Variants in PPP3CC observed in about 807,000 individuals in gnomAD.
PPP3CC encodes the protein serine/threonine-protein phosphatase 2B catalytic subunit gamma isoform.
In PPP3CC, 35 loss-of-function variants were observed where a neutral mutation model predicts 60.3. That is an observed-to-expected ratio of 0.58 (90% CI 0.44 to 0.77). The LOEUF (loss-of-function observed/expected upper bound fraction) is 0.77, where lower values mean the gene tolerates loss of function less well. PPP3CC is among the 30% of genes least tolerant of loss of function. PPP3CC has a pLI of 0.00. For synonymous variants in PPP3CC, 206 were observed against 224.3 expected (o/e 0.92, Z 0.73); for missense variants, 570 against 628.9 (o/e 0.91, Z 1.00).
rs149489507 is a variant in PPP3CC at position 22,477,901 on chromosome 8, A to C, written c.372+2277A>C. Among the ~76,000 whole-genome samples the C allele has an allele frequency of 2.7e-4, 41 of 152,262 alleles. No homozygotes were observed. In the East Asian group the frequency reaches 7.9e-3, roughly 29 times the overall value. ...GTTTCGCTTTTGTTGCCCAGGCTAG[A>C]GTGCAATGGCACGATCTCGGCCCAC... is the stretch of plus-strand genomic sequence containing the variant. On this transcript the variant is annotated intron_variant, in intron 3 of 13. Transcript: ENST00000240139.
chr8:22,451,260 C>T (rs1201403329), intron 1 of PPP3CC, among the ~76,000 whole-genome samples: 1 of 151,040 alleles, frequency 6.6e-6, no homozygotes, highest in African/African-American at 2.4e-5. Context: ...CCCAGCCTCC[C>T]GAGTAGCTGG....
At chr8:22,522,589 A>G (rs1839437306) in intron 7 of PPP3CC, 21 bp downstream of exon 7, 1 of 1,598,046 alleles carries the variant, frequency 6.3e-7, no homozygotes, top group Non-Finnish European at 8.6e-7. Flanking sequence ...TTAAAATTGT[A>G]CCAAATATCG....
Position 22,441,433 on chromosome 8 carries a change from C to T in PPP3CC, c.24C>T (p.Leu8=), listed in dbSNP as rs1431884276. 1.9e-6 allele frequency: 3 copies of T among 1,546,166 alleles called. No individual in the cohort carries two copies. The highest frequency in any genetic ancestry group is 2.8e-5 in the African/African-American group (2 of 71,802). Residue 8 remains leucine (L), a synonymous_variant, in exon 1 of 14, where the codon CTC becomes CTT. Coordinates refer to ENST00000240139, the MANE Select transcript of PPP3CC (RefSeq NM_005605.5). MSGRRFH[L]STTDRVIKAV... is the part of the protein sequence containing the mutation. ...CCATGTCCGGGAGGCGCTTCCACCTCTCCACCACCGACCGCGTCATCAAAG... is the reference window on the plus strand; with the variant it reads ...CCATGTCCGGGAGGCGCTTCCACCTTTCCACCACCGACCGCGTCATCAAAG...
In PPP3CC at chr8:22,519,502, T is replaced by C. The variant is rs149423320; in HGVS notation, c.771-2989T>C. ...GGGGTATTTTGGTTCTTTTTATCTT[T>C]TGTGTATCTACTGTGCTTTTTTGTT... On this transcript the variant is annotated intron_variant, in intron 6 of 13. Transcript: ENST00000240139. Among the ~76,000 whole-genome samples the C allele has an allele frequency of 5.8e-3, 889 of 152,330 alleles. 12 individuals carry two copies. Among genetic ancestry groups the C allele is most frequent in the African/African-American group, 0.021 (857 of 41,572 alleles).
chr8:22,457,436 G>A (rs1437302622), intron 1 of PPP3CC, among the ~76,000 whole-genome samples: 1 of 151,822 alleles, frequency 6.6e-6, no homozygotes, highest in Non-Finnish European at 1.5e-5. Flanking sequence ...TGGAGTAGCT[G>A]GGACTACAGG....
intron 3 of PPP3CC, among the ~76,000 whole-genome samples, chr8:22,495,367 G>A (rs182724684): frequency 6.8e-4 from 103 of 152,160 alleles, no homozygotes; most frequent in African/African-American, 2.5e-3. Context: ...CGTCTCTCCT[G>A]TGTATGGTCA....
intron 1 of PPP3CC, among the ~76,000 whole-genome samples, chr8:22,452,093 A>G (rs567291054): frequency 6.6e-6 from 1 of 151,774 alleles, no homozygotes; most frequent in East Asian, 1.9e-4. Context: ...TAATGCGATC[A>G]ATGCTCACTG....
chr8:22,495,528 TG>T (rs1247151142), intron 3 of PPP3CC, among the ~76,000 whole-genome samples: 1 of 151,996 alleles, frequency 6.6e-6, no homozygotes, highest in Non-Finnish European at 1.5e-5. Context: ...TTGGCCAAAT[TG>T]TTTTTTTACT....
chr8:22,496,921 C>T (rs1039584192), intron 3 of PPP3CC, among the ~76,000 whole-genome samples: 2 of 152,062 alleles, frequency 1.3e-5, no homozygotes, highest in African/African-American at 2.4e-5. Context: ...GGATTTTGCA[C>T]ATTTCTTGTT....
At chr8:22,475,368 T>G in intron 2 of PPP3CC, 132 bp from the exon 3 acceptor site, 1 of 1,102,116 alleles carries the variant, frequency 9.1e-7, no homozygotes, top group Non-Finnish European at 1.3e-6. Context: ...GTAGATTGAC[T>G]ACAGTTTTAC....
chr8:22,522,716 G>A lies in PPP3CC; in HGVS notation c.910G>A (p.Ala304Thr), dbSNP rs1455214447. 12 of 1,601,420 alleles carry A rather than the reference G, an allele frequency of 7.5e-6. No individual in the cohort carries two copies. The highest frequency in any genetic ancestry group is 1.0e-5 in the Non-Finnish European group (12 of 1,168,812). Residue 304 changes from alanine to threonine, a missense_variant, in exon 8 of 14, where the codon GCC (alanine) becomes ACC (threonine). Physicochemically the swap from Ala to Thr is moderately conservative, Grantham distance 58. Transcript: ENST00000240139. ...GFPSLITIFS[A>T]PNYLDVYNNK... ...TCCATCACTTATTACAATTTTCTCT[G>A]CCCCCAATTACCTAGATGTCTATAA... is the stretch of plus-strand genomic sequence containing the variant.
chr8:22,485,476 G>C (rs139945769), intron 3 of PPP3CC, among the ~76,000 whole-genome samples: 1 of 152,226 alleles, frequency 6.6e-6, no homozygotes, highest in East Asian at 1.9e-4. Flanking sequence ...CCAAATCCCA[G>C]ATAAAACAGA....
At chr8:22,447,433 C>G (rs572370098) in intron 1 of PPP3CC, among the ~76,000 whole-genome samples, 15 of 152,086 alleles carry the variant, frequency 9.9e-5, no homozygotes, top group African/African-American at 3.6e-4. Flanking sequence ...CCGCCCGTCT[C>G]GGCCTCCCAA....
chr8:22,450,069 C>G (rs1287585858), intron 1 of PPP3CC, among the ~76,000 whole-genome samples: 1 of 151,826 alleles, frequency 6.6e-6, no homozygotes, highest in Non-Finnish European at 1.5e-5. Context: ...AGGGGTTTCA[C>G]CATGTTGGTC....
chr8:22,488,532 C>A (rs556376398), intron 3 of PPP3CC, among the ~76,000 whole-genome samples: 2 of 152,272 alleles, frequency 1.3e-5, no homozygotes, highest in African/African-American at 4.8e-5. Context: ...TAGGAGACAC[C>A]TAAACAACAA....
rs1837429545 is a variant in PPP3CC, at chr8:22,463,679, T to C, written c.50-11275T>C. 2.6e-5 allele frequency among the ~76,000 whole-genome samples: 4 copies of C among 152,340 alleles called. 1 individual carries two copies. The South Asian group carries it at 6.2e-4, about 24-fold the overall frequency. ...AGTCTCTAGGACTTTCTTTCATTTA[T>C]CCTATAAAGTGTATTATGAGTTTCA... On this transcript the variant is annotated intron_variant, in intron 1 of 13. Transcript: ENST00000240139.
At chr8:22,496,337 CTT>C (rs1483703832) in intron 3 of PPP3CC, among the ~76,000 whole-genome samples, 1 of 151,482 alleles carries the variant, frequency 6.6e-6, no homozygotes, top group Non-Finnish European at 1.5e-5. Flanking sequence ...CATAGTGTCT[CTT>C]TTTAGTGTTT....
rs772675161 is a variant in PPP3CC at position 22,497,987 on chromosome 8, A to C, written c.373-14A>C. 13 of 1,557,830 alleles carry C rather than the reference A, an allele frequency of 8.3e-6. No homozygotes were observed. The Admixed American group carries it at 9.5e-5, about 11-fold the overall frequency. ...GGTCACAAAGAAAATTTTATGCTTG[A>C]ATTTGTCTTGTAGTGTGTGCTGTAT... is the stretch of plus-strand genomic sequence containing the variant. On this transcript the variant is annotated splice_polypyrimidine_tract_variant and intron_variant, in intron 3 of 13. Transcript: ENST00000240139.
intron 1 of PPP3CC, among the ~76,000 whole-genome samples, chr8:22,455,231 A>G (rs1490348293): frequency 6.6e-6 from 1 of 152,218 alleles, no homozygotes; most frequent in Non-Finnish European, 1.5e-5. Context: ...GAAGGGTTAA[A>G]TACTACTTGA....
Sources: gnomAD v4.1 joint callset for allele counts (sites outside exome capture counted in the v4.1 genomes callset) on GRCh38, gnomAD v4.1.1 for gene constraint, MANE v1.5 for transcripts, NCBI Gene and HGNC (gene_info 2026-07-23, HGNC 2026-07-21) for gene names.